The following ADAM22 variants were observed in gnomAD, a reference collection of about 807,000 sequenced individuals.
The protein encoded by ADAM22 is ADAM metallopeptidase domain 22, also known as disintegrin and metalloproteinase domain-containing protein 22.
In ADAM22, 65 loss-of-function variants were observed where a neutral mutation model predicts 144.6. The observed-to-expected ratio is 0.45, with a 90% CI of 0.37 to 0.55. The LOEUF (loss-of-function observed/expected upper bound fraction) is 0.55. Among genes scored for constraint, ADAM22 ranks in the 20% least tolerant of loss-of-function variants. The pLI is 0.00. For missense variants in ADAM22, 974 were observed against 1,184.9 expected, an observed-to-expected ratio of 0.82 and a Z score of 2.61; for synonymous variants, 391 against 412.6, an observed-to-expected ratio of 0.95 and a Z score of 0.63.
At chr7:88,021,361 G>A (rs996619361) in intron 3 of ADAM22, among the ~76,000 whole-genome samples, 7 of 152,140 alleles carry the variant, frequency 4.6e-5, no homozygotes, top group Non-Finnish European at 1.0e-4. Context: ...TATTTTTACA[G>A]AGTTTTAAAT....
intron 3 of ADAM22, among the ~76,000 whole-genome samples, chr7:88,054,609 TG>T (rs1409116878): frequency 1.3e-5 from 2 of 151,494 alleles, no homozygotes; most frequent in East Asian, 3.9e-4. Context: ...TGTGTGTGTG[TG>T]TGTGTGTGTG....
chr7:88,060,023 T>C (rs1461607500), intron 3 of ADAM22, among the ~76,000 whole-genome samples: 2 of 152,184 alleles, frequency 1.3e-5, no homozygotes, highest in Non-Finnish European at 1.5e-5. Flanking sequence ...CCCAATACTG[T>C]GTTTACACTA....
chr7:88,060,552 C>A (rs540831689), intron 3 of ADAM22, among the ~76,000 whole-genome samples: 2 of 151,540 alleles, frequency 1.3e-5, no homozygotes, highest in African/African-American at 4.9e-5. Flanking sequence ...GGGTGGATTA[C>A]GAGGTTAGGA....
intron 3 of ADAM22, among the ~76,000 whole-genome samples, chr7:87,998,500 C>T (rs944101108): frequency 1.3e-5 from 2 of 152,122 alleles, no homozygotes; most frequent in African/African-American, 4.8e-5. Flanking sequence ...AGGTGATTCT[C>T]CTGCCTCAGC....
chr7:88,027,819 T>TC (rs921127066), intron 3 of ADAM22, among the ~76,000 whole-genome samples: 4 of 151,962 alleles, frequency 2.6e-5, no homozygotes, highest in Non-Finnish European at 5.9e-5. Flanking sequence ...TTTTTTTTTT[T>TC]CTGAGACAGA....
intron 3 of ADAM22, among the ~76,000 whole-genome samples, chr7:88,039,647 G>A (rs554313883): frequency 2.0e-5 from 3 of 150,306 alleles, no homozygotes; most frequent in African/African-American, 7.3e-5. Flanking sequence ...CTGTGTGTCT[G>A]TGTTTAGTAT....
At position 88,202,582 on chromosome 7, in the gene ADAM22, T is replaced by G. The variant is rs1851276760; in HGVS notation, c.*6091T>G. On this transcript the variant is annotated 3_prime_UTR_variant, in exon 32 of 32. Transcript: ENST00000413139. The stretch of plus-strand genomic sequence containing the variant: ...TTAACATTTCTCTGCTACTCTGCAC[T>G]TCAGGTTCGTTAAGCTATTTTAATA... 6.6e-6 allele frequency: 1 copy of G among 152,216 alleles called. No homozygotes were observed. Among genetic ancestry groups the G allele is most frequent in the African/African-American group, 2.4e-5 (1 of 41,468 alleles). 9.4% of individuals were successfully genotyped at this position (152,216 alleles called of 1,614,324 possible). A position where few individuals can be genotyped will look rare whatever the true frequency, so the allele number is the denominator to read the frequency against.
intron 3 of ADAM22, among the ~76,000 whole-genome samples, chr7:88,043,793 CAAAAT>C (rs1803792625): frequency 6.6e-6 from 1 of 152,072 alleles, no homozygotes; most frequent in Non-Finnish European, 1.5e-5. Flanking sequence ...AAGGTATAGA[CAAAAT>C]AAAGAGCATT....
chr7:88,150,943 G>A (rs778562992), intron 18 of ADAM22, 38 bp from the exon 19 acceptor site: 9 of 1,521,796 alleles, frequency 5.9e-6, no homozygotes. Flanking sequence ...CTTATATTTT[G>A]CACTGCATTT....
chr7:88,189,172 T>C (rs1161297259), intron 30 of ADAM22, among the ~76,000 whole-genome samples: 1 of 152,166 alleles, frequency 6.6e-6, no homozygotes, highest in African/African-American at 2.4e-5. Context: ...GCTCAGGTTG[T>C]CCTCTGCATG....
chr7:88,166,331 T>G lies in ADAM22; in HGVS notation c.2191+385T>G, dbSNP rs145449171. Among the ~76,000 whole-genome samples, 442 of 152,280 alleles carry G rather than the reference T, an allele frequency of 2.9e-3. 1 individual carries two copies. Among genetic ancestry groups the G allele is most frequent in the African/African-American group, 0.01 (427 of 41,566 alleles). On this transcript the variant is annotated intron_variant, in intron 24 of 31. Coordinates refer to ENST00000413139, the MANE Select transcript of ADAM22 (RefSeq NM_001324418.2). ...AATTAAAGAATTGGTTTTAAAATAT[T>G]TTAATATTCTTTATTATAGAATCTC...
intron 4 of ADAM22, among the ~76,000 whole-genome samples, chr7:88,081,321 G>C (rs903755479): frequency 6.6e-6 from 1 of 152,004 alleles, no homozygotes; most frequent in Non-Finnish European, 1.5e-5. Context: ...CAATAAATTA[G>C]GTATTGATGG....
intron 4 of ADAM22, among the ~76,000 whole-genome samples, chr7:88,104,186 A>G (rs978806732): frequency 2.6e-5 from 4 of 152,164 alleles, no homozygotes; most frequent in Non-Finnish European, 5.9e-5. Flanking sequence ...CCATCATTGG[A>G]AAAAATACTG....
intron 17 of ADAM22, among the ~76,000 whole-genome samples, chr7:88,147,937 G>A (rs1837037065): frequency 6.6e-6 from 1 of 152,110 alleles, no homozygotes; most frequent in African/African-American, 2.4e-5. Context: ...GGGTTCTTGT[G>A]TTTTGTTCTC....
rs149564672 is a variant in ADAM22 at position 87,999,623 on chromosome 7, A to T, written c.323+21211A>T. ...TTACAGATTTACAAGTACCTTTTGA[A>T]ATATTTACAACATTTTAAAACTTAG... is the stretch of plus-strand genomic sequence containing the variant. On this transcript the variant is annotated intron_variant, in intron 3 of 31. Coordinates refer to ENST00000413139, the MANE Select transcript of ADAM22 (RefSeq NM_001324418.2). 1.4e-3 allele frequency among the ~76,000 whole-genome samples: 215 copies of T among 152,328 alleles called. 1 individual carries two copies. Among genetic ancestry groups the T allele is most frequent in the African/African-American group, 4.8e-3 (199 of 41,570 alleles).
chr7:88,036,978 T>C (rs1801661631), intron 3 of ADAM22, among the ~76,000 whole-genome samples: 1 of 152,152 alleles, frequency 6.6e-6, no homozygotes, highest in Non-Finnish European at 1.5e-5. Context: ...ATTTAACATC[T>C]GTCATAAACA....
chr7:88,188,776 T>C (rs891711193), intron 30 of ADAM22, among the ~76,000 whole-genome samples: 1 of 152,222 alleles, frequency 6.6e-6, no homozygotes, highest in African/African-American at 2.4e-5. Context: ...GCCAACCCTA[T>C]GCTTAGGCTC....
chr7:88,186,568 T>C (rs755192349), intron 29 of ADAM22, 47 bp from the exon 30 acceptor site: 12 of 1,269,708 alleles, frequency 9.5e-6, no homozygotes, highest in Non-Finnish European at 1.0e-5. Flanking sequence ...ATTTTCAGAT[T>C]TTCTATCTTG....
chr7:88,194,294 C>A (rs1168068322), intron 31 of ADAM22, among the ~76,000 whole-genome samples: 1 of 152,190 alleles, frequency 6.6e-6, no homozygotes, highest in Non-Finnish European at 1.5e-5. Flanking sequence ...TGTTACCACA[C>A]AAGAGCCTGT....
Sources: allele counts gnomAD v4.1 joint callset (sites outside exome capture counted in the v4.1 genomes callset), GRCh38; gene constraint gnomAD v4.1.1; transcripts MANE v1.5; gene names NCBI Gene and HGNC (gene_info 2026-07-23, HGNC 2026-07-21).